SLIT3: variants seen among roughly 807,000 people sequenced by gnomAD.
SLIT3 encodes slit guidance ligand 3.
Under a neutral mutation model 184.0 loss-of-function variants are expected in SLIT3, and 68 were observed. That is an observed-to-expected ratio of 0.37 (90% CI 0.30 to 0.45). SLIT3 has a LOEUF of 0.45. SLIT3 is among the 20% of genes least tolerant of loss of function. The pLI is 1.00. For synonymous variants in SLIT3, 831 were observed against 828.6 expected (o/e 1.00, Z -0.05); for missense variants, 1,707 against 2,026.0 (o/e 0.84, Z 3.02).
intron 26 of SLIT3, among the ~76,000 whole-genome samples, chr5:168,702,142 A>G (rs1480722789): frequency 6.6e-6 from 1 of 152,256 alleles, no homozygotes; most frequent in African/African-American, 2.4e-5. Context: ...CTAAACCATA[A>G]CAACACAGGG....
chr5:169,116,143 A>G (rs992274583), intron 4 of SLIT3, among the ~76,000 whole-genome samples: 5 of 152,118 alleles, frequency 3.3e-5, no homozygotes, highest in African/African-American at 1.2e-4. Context: ...GGCAATAATT[A>G]TTGTTTGGAT....
intron 1 of SLIT3, among the ~76,000 whole-genome samples, chr5:169,275,282 T>A (rs994981715): frequency 3.3e-5 from 5 of 152,302 alleles, no homozygotes; most frequent in Admixed American, 2.0e-4. Context: ...TGGTGACCCA[T>A]CAGTTAGTTA....
intron 21 of SLIT3, among the ~76,000 whole-genome samples, chr5:168,723,439 C>T (rs17070420): frequency 0.049 from 7,452 of 152,052 alleles, 190 homozygotes; most frequent in African/African-American, 0.075. Context: ...ATTCAAGCAA[C>T]TGTCATTCAT....
At position 169,249,599 on chromosome 5, in the gene SLIT3, T is replaced by TA. The variant is rs33984197; in HGVS notation, c.269+1788dup. Reference sequence around the variant, plus strand: ...CTCTCACAGATGCAGGGGAAATAAATAAAAAAAAATAAAGTGAGAAGGTAA... The same window carrying TA: ...CTCTCACAGATGCAGGGGAAATAAATAAAAAAAAAATAAAGTGAGAAGGTAA... On this transcript the variant is annotated intron_variant, in intron 2 of 35. Coordinates refer to ENST00000519560, the MANE Select transcript of SLIT3 (RefSeq NM_003062.4). 4.7e-4 allele frequency among the ~76,000 whole-genome samples: 71 copies of TA among 151,412 alleles called. 2 individuals are homozygous for TA. In the South Asian group the frequency reaches 6.7e-3, roughly 14 times the overall value.
intron 4 of SLIT3, among the ~76,000 whole-genome samples, chr5:169,179,581 G>GTT (rs1763089759): frequency 6.6e-6 from 1 of 152,104 alleles, no homozygotes; most frequent in African/African-American, 2.4e-5. Flanking sequence ...AGCATAGGCT[G>GTT]TTTCTTTCTC....
In SLIT3 at chr5:169,259,339, G is replaced by A. The variant is rs548588457; in HGVS notation, c.198-7880C>T. On this transcript the variant is annotated intron_variant, in intron 1 of 35. Coordinates refer to ENST00000519560, the MANE Select transcript of SLIT3 (RefSeq NM_003062.4). ...CTCCCAAAGTGCTGGGATTACAGGC[G>A]TGAGCCATGGCACCTGGCCAAGGAA... 5.9e-5 allele frequency among the ~76,000 whole-genome samples: 9 copies of A among 152,334 alleles called. No homozygotes were observed. In the East Asian group the frequency reaches 7.7e-4, roughly 13 times the overall value.
At chr5:168,680,496 C>A (rs1459739375) in intron 32 of SLIT3, among the ~76,000 whole-genome samples, 3 of 152,224 alleles carry the variant, frequency 2.0e-5, no homozygotes. Flanking sequence ...GGTCAGTGGG[C>A]CTTAGTGAGC....
At chr5:169,118,626 T>C (rs1760776216) in intron 4 of SLIT3, among the ~76,000 whole-genome samples, 2 of 152,214 alleles carry the variant, frequency 1.3e-5, no homozygotes, top group Non-Finnish European at 2.9e-5. Flanking sequence ...CCCAGGAATT[T>C]GTAGGATACA....
intron 6 of SLIT3, among the ~76,000 whole-genome samples, chr5:168,839,524 A>C (rs933999191): frequency 5.3e-5 from 8 of 152,166 alleles, no homozygotes; most frequent in African/African-American, 1.9e-4. Flanking sequence ...CTTTTTATGT[A>C]AGATATCTCA....
At chr5:168,684,501 G>A (rs1173504073) in intron 31 of SLIT3, among the ~76,000 whole-genome samples, 1 of 152,122 alleles carries the variant, frequency 6.6e-6, no homozygotes, top group African/African-American at 2.4e-5. Flanking sequence ...TTTTTAGGCA[G>A]AATCTTGGCC....
At chr5:169,069,139 T>C (rs916847287) in intron 4 of SLIT3, among the ~76,000 whole-genome samples, 10 of 152,190 alleles carry the variant, frequency 6.6e-5, no homozygotes, top group Admixed American at 5.9e-4. Flanking sequence ...TTAGAGGTGA[T>C]AACAATGACC....
intron 18 of SLIT3, among the ~76,000 whole-genome samples, chr5:168,751,301 T>C (rs73324054): frequency 0.097 from 14,736 of 152,224 alleles, 2,339 homozygotes; most frequent in African/African-American, 0.34. Context: ...TTCTGCCTTC[T>C]AAAGGGTCTT....
intron 6 of SLIT3, among the ~76,000 whole-genome samples, chr5:168,828,001 A>G (rs1581122815): frequency 6.6e-6 from 1 of 152,250 alleles, no homozygotes. Flanking sequence ...TGGCTGCTGT[A>G]GAACTGAACC....
At chr5:169,134,967 CCAAA>C (rs1761449084) in intron 4 of SLIT3, among the ~76,000 whole-genome samples, 2 of 152,212 alleles carry the variant, frequency 1.3e-5, no homozygotes, top group Middle Eastern at 3.2e-3. Context: ...TATCCAGTGT[CCAAA>C]CAGTTTCTGA....
At chr5:168,755,072 T>C (rs870287) in intron 16 of SLIT3, among the ~76,000 whole-genome samples, 4 of 152,192 alleles carry the variant, frequency 2.6e-5, no homozygotes, top group African/African-American at 9.6e-5. Flanking sequence ...AGGCACCTCA[T>C]GAGGGATCTG....
intron 4 of SLIT3, among the ~76,000 whole-genome samples, chr5:169,148,087 A>G (rs1761989411): frequency 6.6e-6 from 1 of 152,136 alleles, no homozygotes; most frequent in Admixed American, 6.5e-5. Flanking sequence ...ATCTCCACGT[A>G]CCAGGTTCCA....
intron 3 of SLIT3, among the ~76,000 whole-genome samples, chr5:169,210,433 T>G (rs932163150): frequency 3.3e-5 from 5 of 152,122 alleles, no homozygotes; most frequent in African/African-American, 9.7e-5. Context: ...TAAAGTCAAA[T>G]TAAAGAAAAT....
intron 4 of SLIT3, among the ~76,000 whole-genome samples, chr5:169,073,907 G>T (rs1758644595): frequency 6.6e-6 from 1 of 152,150 alleles, no homozygotes; most frequent in Non-Finnish European, 1.5e-5. Context: ...TTAGTGCAAT[G>T]CAGCTGGACA....
intron 34 of SLIT3, 149 bp from the exon 35 acceptor site, chr5:168,670,140 C>T: frequency 2.9e-6 from 2 of 686,594 alleles, no homozygotes; most frequent in South Asian, 3.6e-5. Context: ...CATCTCTTTT[C>T]TTAACCACCT....
Sources: allele counts gnomAD v4.1 joint callset (sites outside exome capture counted in the v4.1 genomes callset), GRCh38; gene constraint gnomAD v4.1.1; transcripts MANE v1.5; gene names NCBI Gene and HGNC (gene_info 2026-07-23, HGNC 2026-07-21).